AFM: variants seen among roughly 807,000 people sequenced by gnomAD.
The protein encoded by AFM is afamin.
Under a neutral mutation model 68.7 loss-of-function variants are expected in AFM, and 82 were observed. The ratio of observed to expected loss-of-function variants is 1.19; its 90% CI spans 1.00 to 1.43. The LOEUF is 1.43. Ranked by LOEUF, AFM falls within the 40% of genes most tolerant of loss-of-function variation. The pLI is 0.00. For missense variants in AFM, 772 were observed against 701.8 expected (o/e 1.10, Z -1.13); for synonymous variants, 250 against 234.2 (o/e 1.07, Z -0.61).
chr4:73,488,488 T>G (rs913482683), intron 6 of AFM, 142 bp from the exon 7 acceptor site: 1 of 667,702 alleles, frequency 1.5e-6, no homozygotes, highest in Non-Finnish European at 2.4e-6. Flanking sequence ...ACCAACTATT[T>G]GATAAAGACT....
chr4:73,485,590 A>AGAAGGAGAAGAG (rs1553894133), intron 3 of AFM, among the ~76,000 whole-genome samples: 20 of 137,512 alleles, frequency 1.5e-4, no homozygotes, highest in African/African-American at 4.6e-4. Context: ...AAGGAGAAGG[A>AGAAGGAGAAGAG]GAAGAGGAAG....
chr4:73,487,206 T>G, intron 5 of AFM, 107 bp downstream of exon 5: 1 of 1,180,468 alleles, frequency 8.5e-7, no homozygotes, highest in Non-Finnish European at 1.2e-6. Flanking sequence ...TATATGATGT[T>G]CTCTTGTCAC....
intron 2 of AFM, 80 bp downstream of exon 2, chr4:73,484,069 T>G: frequency 7.2e-7 from 1 of 1,396,426 alleles, no homozygotes; most frequent in Non-Finnish European, 9.6e-7. Flanking sequence ...CAAAAGTAAT[T>G]TAACTAAATA....
rs1438139990 is a variant in AFM at position 73,483,798 on chromosome 4, T to C, written c.89-143T>C. 9.9e-6 allele frequency: 6 copies of C among 606,160 alleles called. No individual in the cohort carries two copies. The African/African-American group carries it at 1.2e-4, about 12-fold the overall frequency. The allele number at this position is 606,160 out of a possible 1,614,324, so 37.5% of individuals were successfully genotyped here. On this transcript the variant is annotated intron_variant, in intron 1 of 14. Coordinates refer to ENST00000226355, the MANE Select transcript of AFM (RefSeq NM_001133.2). ...CTATTTTGTTCACATGACTTATTTG[T>C]TTCTTGTTAAATATGCAAAATTATC... is the stretch of plus-strand genomic sequence containing the variant.
At chr4:73,496,258 T>G (rs1721252853) in intron 9 of AFM, among the ~76,000 whole-genome samples, 1 of 152,208 alleles carries the variant, frequency 6.6e-6, no homozygotes. Context: ...TAAACAGACT[T>G]GAAAATAAAC....
At chr4:73,484,059 C>A (rs1577971401) in intron 2 of AFM, 70 bp downstream of exon 2, 2 of 1,412,146 alleles carry the variant, frequency 1.4e-6, no homozygotes, top group South Asian at 1.4e-5. Flanking sequence ...TAATGCTTCT[C>A]AAAAGTAATT....
intron 1 of AFM, among the ~76,000 whole-genome samples, chr4:73,482,283 C>T (rs555340326): frequency 3.3e-5 from 5 of 152,372 alleles, no homozygotes; most frequent in South Asian, 4.1e-4. Flanking sequence ...AACCTAGTTC[C>T]TCCTTCAACT....
intron 7 of AFM, among the ~76,000 whole-genome samples, chr4:73,490,200 A>AG (rs1259232852): frequency 6.6e-6 from 1 of 151,860 alleles, no homozygotes; most frequent in Non-Finnish European, 1.5e-5. Flanking sequence ...AAAAAAAAAA[A>AG]AAAGAAAGAA....
chr4:73,486,387 G>A (rs899698885), intron 4 of AFM, among the ~76,000 whole-genome samples: 2 of 152,124 alleles, frequency 1.3e-5, no homozygotes, highest in Non-Finnish European at 2.9e-5. Flanking sequence ...CTTCCCAAGG[G>A]GAAGTTGCTG....
At chr4:73,498,251 A>G (rs1488405696) in intron 10 of AFM, among the ~76,000 whole-genome samples, 2 of 151,646 alleles carry the variant, frequency 1.3e-5, no homozygotes, top group Non-Finnish European at 2.9e-5. Flanking sequence ...TATTATGTCA[A>G]TGTATTTTAT....
chr4:73,498,305 T>G (rs1721314268), intron 10 of AFM, among the ~76,000 whole-genome samples: 1 of 152,022 alleles, frequency 6.6e-6, no homozygotes, highest in Non-Finnish European at 1.5e-5. Context: ...TACATATTTT[T>G]GAGACAGGGT....
rs1720885481 is a variant in AFM at position 73,485,857 on chromosome 4, T to C, written c.271-5T>C. 1 of 1,611,844 alleles carries C rather than the reference T, an allele frequency of 6.2e-7. No individual in the cohort carries two copies. The highest frequency in any genetic ancestry group is 1.7e-5 in the Admixed American group (1 of 59,928). ...AAAATTGTCCTTTTCTTCTCTGTTG[T>C]ATAGAATAATGTTTTACAGGAAAAA... is the stretch of plus-strand genomic sequence containing the variant. On this transcript the variant is annotated splice_polypyrimidine_tract_variant and splice_region_variant and intron_variant, in intron 3 of 14. Coordinates refer to ENST00000226355, the MANE Select transcript of AFM (RefSeq NM_001133.2).
chr4:73,495,265 C>T (rs1469141743), intron 8 of AFM, 35 bp from the exon 9 acceptor site: 2 of 1,542,560 alleles, frequency 1.3e-6, no homozygotes, highest in South Asian at 1.3e-5. Context: ...TGCTCTTTCT[C>T]TAATTTCTAA....
intron 8 of AFM, among the ~76,000 whole-genome samples, chr4:73,494,779 G>A (rs1721204500): frequency 6.6e-6 from 1 of 152,042 alleles, no homozygotes; most frequent in Non-Finnish European, 1.5e-5. Flanking sequence ...CTTGACAGAG[G>A]ATTTGGAAGC....
chr4:73,485,504 C>T (rs1318515633), intron 3 of AFM, among the ~76,000 whole-genome samples: 1 of 150,996 alleles, frequency 6.6e-6, no homozygotes, highest in Non-Finnish European at 1.5e-5. Flanking sequence ...GCCTGCACAA[C>T]ATATCAAGAT....
chr4:73,485,515 C>A (rs191158431), intron 3 of AFM, among the ~76,000 whole-genome samples: 31 of 150,872 alleles, frequency 2.1e-4, no homozygotes, highest in Non-Finnish European at 4.0e-4. Flanking sequence ...ATATCAAGAT[C>A]CCATTCCAAA....
At position 73,497,730 on chromosome 4, in the gene AFM, A is replaced by G; in HGVS notation, c.1270A>G (p.Lys424Glu). Residue 424 changes from lysine (K) to glutamate (E), a missense_variant, in exon 10 of 15, where the codon AAG (lysine) becomes GAG (glutamate). Physicochemically the swap from Lys to Glu is moderately conservative, Grantham distance 56. Coordinates refer to ENST00000226355, the MANE Select transcript of AFM (RefSeq NM_001133.2). ...QECKHFQNLGKDGLKYHYLIR... is the reference protein window; with the variant it reads ...QECKHFQNLGEDGLKYHYLIR... The stretch of plus-strand genomic sequence containing the variant: ...ATGTAAACATTTCCAGAATTTGGGG[A>G]AGGATGGTTTGAAATACCAGTATGT... 6.2e-7 allele frequency: 1 copy of G among 1,604,266 alleles called. No homozygotes were observed. Among genetic ancestry groups the G allele is most frequent in the Non-Finnish European group, 8.5e-7 (1 of 1,174,246 alleles).
At chr4:73,483,545 C>T (rs549298263) in intron 1 of AFM, among the ~76,000 whole-genome samples, 1 of 152,348 alleles carries the variant, frequency 6.6e-6, no homozygotes, top group East Asian at 1.9e-4. Flanking sequence ...CAGCATGCTA[C>T]AGCATCTCTC....
chr4:73,502,523 A>G (rs765030318), intron 13 of AFM, among the ~76,000 whole-genome samples: 3 of 152,160 alleles, frequency 2.0e-5, no homozygotes, highest in Non-Finnish European at 2.9e-5. Context: ...TTTGAACCTC[A>G]GCAACCTGTG....
Sources: gnomAD v4.1 joint callset for allele counts (sites outside exome capture counted in the v4.1 genomes callset) on GRCh38, gnomAD v4.1.1 for gene constraint, MANE v1.5 for transcripts, NCBI Gene and HGNC (gene_info 2026-07-23, HGNC 2026-07-21) for gene names.